The following RIGI variants were observed in gnomAD, a reference collection of about 807,000 sequenced individuals.
RIGI encodes the protein antiviral innate immune response receptor RIG-I.
At chr9:32,461,742 T>C in the RIGI span, among the ~76,000 whole-genome samples, 1 of 152,036 alleles carries the variant, frequency 6.6e-6, no homozygotes, top group African/African-American at 2.4e-5. Flanking sequence ...GATAAGGCAA[T>C]CTCCATTCAT....
At chr9:32,486,124 GCTAA>G in the RIGI span, among the ~76,000 whole-genome samples, 64 of 152,222 alleles carry the variant, frequency 4.2e-4, no homozygotes, top group Admixed American at 4.0e-3. Flanking sequence ...AATATACATG[GCTAA>G]CTAACCGTAG....
the RIGI span, among the ~76,000 whole-genome samples, chr9:32,474,074 C>A: frequency 1.3e-5 from 2 of 151,894 alleles, no homozygotes; most frequent in African/African-American, 4.8e-5. Context: ...TGGTGGTTTA[C>A]ACCTGCAGTC....
At chr9:32,510,194 A>G in the RIGI span, among the ~76,000 whole-genome samples, 1 of 152,216 alleles carries the variant, frequency 6.6e-6, no homozygotes. Flanking sequence ...AACGTCCCCA[A>G]CCTAGCAATA....
chr9:32,504,960 T>C, the RIGI span, among the ~76,000 whole-genome samples: 1 of 134,754 alleles, frequency 7.4e-6, no homozygotes, highest in Admixed American at 8.0e-5. Context: ...ATATATTATA[T>C]ATTTATTCTA....
chr9:32,462,228 G>C, the RIGI span, among the ~76,000 whole-genome samples: 1 of 152,072 alleles, frequency 6.6e-6, no homozygotes, highest in Admixed American at 6.5e-5. Context: ...CATTTGCAGG[G>C]ACTGTTGGAG....
At chr9:32,479,701 G>C in the RIGI span, among the ~76,000 whole-genome samples, 22 of 151,938 alleles carry the variant, frequency 1.4e-4, no homozygotes, top group African/African-American at 5.3e-4. Flanking sequence ...GCCGGGTGTG[G>C]TGGCGCACAC....
At chr9:32,460,814 A>G in the RIGI span, among the ~76,000 whole-genome samples, 5 of 152,182 alleles carry the variant, frequency 3.3e-5, no homozygotes, top group Admixed American at 3.3e-4. Context: ...GTAGGACTAT[A>G]AAAAATGATG....
At chr9:32,492,240 GCCTC>G in the RIGI span, 1 of 817,930 alleles carries the variant, frequency 1.2e-6, no homozygotes, top group Non-Finnish European at 1.9e-6. Context: ...GCAAGTAACT[GCCTC>G]CCTCCCAGAA....
the RIGI span, among the ~76,000 whole-genome samples, chr9:32,469,096 A>G: frequency 3.3e-5 from 5 of 152,180 alleles, no homozygotes; most frequent in Non-Finnish European, 5.9e-5. Flanking sequence ...GTGATGACAG[A>G]GCCATAACAA....
At chr9:32,499,129 G>C in the RIGI span, among the ~76,000 whole-genome samples, 3 of 151,942 alleles carry the variant, frequency 2.0e-5, no homozygotes, top group Admixed American at 1.3e-4. Flanking sequence ...TAATTGGGCT[G>C]AGAATCTTTT....
At chr9:32,485,075 C>A in the RIGI span, 1 of 827,118 alleles carries the variant, frequency 1.2e-6, no homozygotes, top group Non-Finnish European at 1.9e-6. Flanking sequence ...TGGATATGGT[C>A]TTGACATTGT....
the RIGI span, among the ~76,000 whole-genome samples, chr9:32,459,985 G>A: frequency 7.9e-5 from 11 of 139,156 alleles, no homozygotes; most frequent in South Asian, 2.8e-3. Context: ...AACTTGAATT[G>A]TATCTTAACA....
At chr9:32,520,679 T>C in the RIGI span, among the ~76,000 whole-genome samples, 10 of 152,214 alleles carry the variant, frequency 6.6e-5, no homozygotes, top group Non-Finnish European at 1.3e-4. Context: ...GGTTTTTCTA[T>C]AAATTAAACA....
chr9:32,503,122 C>A, the RIGI span, among the ~76,000 whole-genome samples: 2 of 152,180 alleles, frequency 1.3e-5, no homozygotes, highest in East Asian at 3.9e-4. Context: ...GTTCCTAAGC[C>A]CATTCCTTAC....
At chr9:32,489,274 C>G in the RIGI span, 1 of 1,071,652 alleles carries the variant, frequency 9.3e-7, no homozygotes, top group Non-Finnish European at 1.4e-6. Context: ...CCCATTCTGT[C>G]CCAGTATTCA....
chr9:32,465,800 C>A, the RIGI span, among the ~76,000 whole-genome samples: 2 of 152,190 alleles, frequency 1.3e-5, no homozygotes, highest in Admixed American at 6.5e-5. Flanking sequence ...TTTCTCCAAT[C>A]TGATTTCATG....
the RIGI span, among the ~76,000 whole-genome samples, chr9:32,478,406 GT>G: frequency 5.7e-4 from 87 of 152,030 alleles, no homozygotes; most frequent in African/African-American, 2.0e-3. Flanking sequence ...TACACCTATT[GT>G]TATCTATATG....
chr9:32,525,621 A>G, the RIGI span, among the ~76,000 whole-genome samples: 1 of 152,182 alleles, frequency 6.6e-6, no homozygotes, highest in Non-Finnish European at 1.5e-5. Context: ...GTAAGCATCA[A>G]CTTCCTTTAA....
the RIGI span, among the ~76,000 whole-genome samples, chr9:32,473,390 C>T: frequency 6.7e-6 from 1 of 148,238 alleles, no homozygotes; most frequent in Non-Finnish European, 1.5e-5. Context: ...CAGGTTCAAG[C>T]AATTCTTTGC....
Sources: gnomAD v4.1 joint callset for allele counts (sites outside exome capture counted in the v4.1 genomes callset) on GRCh38, gnomAD v4.1.1 for gene constraint, MANE v1.5 for transcripts, NCBI Gene and HGNC (gene_info 2026-07-23, HGNC 2026-07-21) for gene names.